Variants in SMYD3 observed in about 807,000 individuals in gnomAD.
SMYD3 encodes SET and MYND domain containing 3.
A neutral mutation model predicts 57.7 loss-of-function variants in SMYD3; 36 were observed. The observed-to-expected ratio is 0.62, with a 90% CI of 0.48 to 0.82. SMYD3 has a LOEUF of 0.82. Ranked by LOEUF, SMYD3 falls within the 40% of genes least tolerant of loss-of-function variation. SMYD3 has a pLI of 0.00. For synonymous variants in SMYD3, 211 were observed against 195.0 expected, an observed-to-expected ratio of 1.08 and a Z score of -0.68; for missense variants, 515 against 538.8, an observed-to-expected ratio of 0.96 and a Z score of 0.44.
In SMYD3 at chr1:246,373,317, C is replaced by T. The variant is rs150024973; in HGVS notation, c.165-18223G>A. On this transcript the variant is annotated intron_variant, in intron 1 of 11. Coordinates refer to ENST00000490107, the MANE Select transcript of SMYD3 (RefSeq NM_001167740.2). ...AAATTGTGTCTAGTCTAACGCAGGG[C>T]ATAGAGAGAAGGACAGACAGACAGA... is the stretch of plus-strand genomic sequence containing the variant. Among the ~76,000 whole-genome samples the T allele has an allele frequency of 2.5e-3, 383 of 152,098 alleles. 2 individuals carry two copies. The highest frequency in any genetic ancestry group is 8.8e-3 in the African/African-American group (366 of 41,484).
At chr1:246,190,601 A>T (rs2062720845) in intron 5 of SMYD3, among the ~76,000 whole-genome samples, 1 of 151,056 alleles carries the variant, frequency 6.6e-6, no homozygotes, top group African/African-American at 2.4e-5. Context: ...AAAAAAAAAA[A>T]AAAAAAAGGA....
chr1:246,010,356 A>C (rs949237402), intron 5 of SMYD3, among the ~76,000 whole-genome samples: 1 of 152,128 alleles, frequency 6.6e-6, no homozygotes, highest in African/African-American at 2.4e-5. Flanking sequence ...CTCACACCAG[A>C]GATGAAGCTT....
chr1:246,271,857 C>T (rs537109210), intron 5 of SMYD3, among the ~76,000 whole-genome samples: 17 of 152,046 alleles, frequency 1.1e-4, no homozygotes, highest in East Asian at 5.8e-4. Flanking sequence ...TGATAGGGAA[C>T]GCATTGAATC....
At chr1:246,136,778 G>C (rs1322091109) in intron 5 of SMYD3, among the ~76,000 whole-genome samples, 2 of 152,196 alleles carry the variant, frequency 1.3e-5, no homozygotes, top group Non-Finnish European at 2.9e-5. Flanking sequence ...TTGCTGAATG[G>C]TAGGCTGGAA....
At chr1:246,015,298 C>T (rs2059358855) in intron 5 of SMYD3, among the ~76,000 whole-genome samples, 1 of 152,168 alleles carries the variant, frequency 6.6e-6, no homozygotes, top group Non-Finnish European at 1.5e-5. Context: ...GGCCACTCCA[C>T]TAGCCACAGT....
chr1:245,906,668 C>T (rs1408171976), intron 8 of SMYD3, among the ~76,000 whole-genome samples: 2 of 152,166 alleles, frequency 1.3e-5, no homozygotes, highest in Non-Finnish European at 2.9e-5. Flanking sequence ...AGGAAATCAG[C>T]TTATCGAAGA....
At chr1:246,096,783 G>C (rs904627627) in intron 5 of SMYD3, among the ~76,000 whole-genome samples, 1 of 150,162 alleles carries the variant, frequency 6.7e-6, no homozygotes, top group African/African-American at 2.5e-5. Context: ...TGTAACAAAT[G>C]GTTATCATTG....
At chr1:246,086,931 T>G (rs2060731633) in intron 5 of SMYD3, among the ~76,000 whole-genome samples, 1 of 152,074 alleles carries the variant, frequency 6.6e-6, no homozygotes, top group Non-Finnish European at 1.5e-5. Context: ...CCTGTGTCCA[T>G]GTGTTTTCAC....
intron 5 of SMYD3, among the ~76,000 whole-genome samples, chr1:245,989,935 A>C (rs1345065825): frequency 6.6e-6 from 1 of 152,262 alleles, no homozygotes; most frequent in Non-Finnish European, 1.5e-5. Flanking sequence ...CACATACCAA[A>C]TACAAAAGAT....
chr1:246,501,557 T>A (rs1272154892), intron 1 of SMYD3, among the ~76,000 whole-genome samples: 2 of 152,162 alleles, frequency 1.3e-5, no homozygotes, highest in Non-Finnish European at 2.9e-5. Context: ...GGACCTCTAA[T>A]CCATTGATTC....
intron 5 of SMYD3, among the ~76,000 whole-genome samples, chr1:246,128,329 C>T (rs1169499636): frequency 6.6e-6 from 1 of 152,120 alleles, no homozygotes; most frequent in African/African-American, 2.4e-5. Flanking sequence ...TAGTTGCCTC[C>T]TACCTCTAGA....
At chr1:245,941,551 C>T (rs1382012508) in intron 5 of SMYD3, among the ~76,000 whole-genome samples, 2 of 152,150 alleles carry the variant, frequency 1.3e-5, no homozygotes, top group Non-Finnish European at 1.5e-5. Flanking sequence ...GACAGAGTCT[C>T]ACTCTGTCAC....
At chr1:246,119,221 C>A (rs1394552657) in intron 5 of SMYD3, among the ~76,000 whole-genome samples, 1 of 151,828 alleles carries the variant, frequency 6.6e-6, no homozygotes, top group Non-Finnish European at 1.5e-5. Context: ...TGGTCTCAAA[C>A]TCCTGGCCTC....
chr1:245,868,451 C>T (rs1024032697), intron 8 of SMYD3, among the ~76,000 whole-genome samples: 1 of 152,080 alleles, frequency 6.6e-6, no homozygotes, highest in African/African-American at 2.4e-5. Context: ...GTAAAATCCT[C>T]CAACATAGAA....
chr1:245,901,374 T>G (rs2148615127), intron 8 of SMYD3, among the ~76,000 whole-genome samples: 1 of 152,338 alleles, frequency 6.6e-6, no homozygotes, highest in East Asian at 1.9e-4. Flanking sequence ...AAAGTAAGAT[T>G]TCTTTAGACA....
At chr1:246,208,417 G>A (rs572888383) in intron 5 of SMYD3, among the ~76,000 whole-genome samples, 60 of 152,098 alleles carry the variant, frequency 3.9e-4, no homozygotes, top group Non-Finnish European at 7.6e-4. Context: ...CATGATAATA[G>A]AGTTAAATAT....
At chr1:246,288,885 T>C (rs1421778078) in intron 5 of SMYD3, among the ~76,000 whole-genome samples, 2 of 152,104 alleles carry the variant, frequency 1.3e-5, no homozygotes, top group Non-Finnish European at 2.9e-5. Context: ...GACTGAGTTG[T>C]GTGGATCACC....
intron 5 of SMYD3, among the ~76,000 whole-genome samples, chr1:246,145,890 A>G (rs1392407559): frequency 6.6e-6 from 1 of 152,262 alleles, no homozygotes; most frequent in Admixed American, 6.5e-5. Flanking sequence ...TAGAAAGGTC[A>G]AAGAGTCTTA....
chr1:246,351,370 TTGAC>T (rs1465908969), intron 2 of SMYD3, among the ~76,000 whole-genome samples: 1 of 152,238 alleles, frequency 6.6e-6, no homozygotes, highest in African/African-American at 2.4e-5. Context: ...TTACTTGAAA[TTGAC>T]TTACTTGCTA....
Sources: allele counts gnomAD v4.1 joint callset (sites outside exome capture counted in the v4.1 genomes callset), GRCh38; gene constraint gnomAD v4.1.1; transcripts MANE v1.5; gene names NCBI Gene and HGNC (gene_info 2026-07-23, HGNC 2026-07-21).